Variants in CDH13 observed in about 807,000 individuals in gnomAD.
CDH13 encodes the protein cadherin-13.
CDH13 carries 24 observed loss-of-function variants against 63.8 expected under a neutral mutation model. The ratio of observed to expected loss-of-function variants is 0.38; its 90% CI spans 0.27 to 0.53. CDH13 has a LOEUF of 0.53. Among genes scored for constraint, CDH13 ranks in the 20% least tolerant of loss-of-function variants. CDH13 has a pLI of 0.85. For synonymous variants in CDH13, 503 were observed against 355.3 expected (o/e 1.42, Z -4.67); for missense variants, 1,049 against 903.1 (o/e 1.16, Z -2.07).
chr16:83,048,373 A>C (rs1397882979), intron 3 of CDH13, among the ~76,000 whole-genome samples: 2 of 152,216 alleles, frequency 1.3e-5, no homozygotes, highest in African/African-American at 2.4e-5. Context: ...TGGGGGTGAT[A>C]CGAAAATGAC....
At chr16:83,658,525 C>G (rs1913105654) in intron 8 of CDH13, among the ~76,000 whole-genome samples, 1 of 146,684 alleles carries the variant, frequency 6.8e-6, no homozygotes, top group Admixed American at 6.8e-5. Flanking sequence ...ACCACCAGGT[C>G]CCGTATCCTC....
chr16:83,327,467 AG>A, intron 5 of CDH13, among the ~76,000 whole-genome samples: 2 of 152,348 alleles, frequency 1.3e-5, no homozygotes, highest in East Asian at 3.9e-4. Context: ...ATAAACTCAA[AG>A]CCCTTAGCTA....
Position 83,799,299 on chromosome 16 carries a change from C to CAAAAA in CDH13, c.*4286_*4290dup, listed in dbSNP as rs11349889. The CAAAAA allele has an allele frequency of 5.4e-5, 6 of 110,182 alleles. No individual in the cohort carries two copies. The highest frequency in any genetic ancestry group is 1.1e-4 in the Admixed American group (1 of 9,496). The allele number at this position is 110,182 out of a possible 1,614,324, so 6.8% of individuals were successfully genotyped here. ...CCTGGGCAACAGAGCAAGACTCCGT[C>CAAAAA]AAAAAAAAAAAAAAAAAAAAAGAAA... On this transcript the variant is annotated 3_prime_UTR_variant, in exon 14 of 14. Coordinates refer to ENST00000567109, the MANE Select transcript of CDH13 (RefSeq NM_001257.5).
intron 2 of CDH13, among the ~76,000 whole-genome samples, chr16:82,947,076 CCCTT>C (rs1904814610): frequency 6.6e-6 from 1 of 150,862 alleles, no homozygotes. Context: ...AAGGCTATCT[CCCTT>C]CCTTATTCCT....
intron 6 of CDH13, among the ~76,000 whole-genome samples, chr16:83,394,175 G>T (rs1018592715): frequency 3.3e-5 from 5 of 151,614 alleles, no homozygotes; most frequent in African/African-American, 1.2e-4. Context: ...GAAATAATCT[G>T]TACATGAAAC....
At chr16:83,193,685 T>G (rs28754700) in intron 4 of CDH13, among the ~76,000 whole-genome samples, 28,485 of 152,154 alleles carry the variant, frequency 0.19, 2,962 homozygotes, top group African/African-American at 0.27. Flanking sequence ...CATCTGCTCT[T>G]CTAACTTAAA....
chr16:83,502,477 C>G (rs2074304579), intron 7 of CDH13, among the ~76,000 whole-genome samples: 1 of 152,190 alleles, frequency 6.6e-6, no homozygotes, highest in Non-Finnish European at 1.5e-5. Flanking sequence ...CCACTTTGGA[C>G]TCCTGTCCTG....
At position 83,741,255 on chromosome 16, in the gene CDH13, A is replaced by G. The variant is rs1912030782; in HGVS notation, c.1539-6853A>G. Among the ~76,000 whole-genome samples the G allele has an allele frequency of 2.0e-5, 3 of 151,998 alleles. No homozygotes were observed. The South Asian group carries it at 6.2e-4, about 32-fold the overall frequency. On this transcript the variant is annotated intron_variant, in intron 10 of 13. Coordinates refer to ENST00000567109, the MANE Select transcript of CDH13 (RefSeq NM_001257.5). Reference sequence around the variant, plus strand: ...AGATAGTGTATTTCCTTCAATTGGGAGTTCTGTCTCTTTCTGGTTCTGCTT... The same window carrying G: ...AGATAGTGTATTTCCTTCAATTGGGGGTTCTGTCTCTTTCTGGTTCTGCTT...
At chr16:83,015,724 A>ATATATAG (rs1555562946) in intron 2 of CDH13, among the ~76,000 whole-genome samples, 5 of 49,096 alleles carry the variant, frequency 1.0e-4, no homozygotes, top group Non-Finnish European at 1.4e-4. Flanking sequence ...TATATATATA[A>ATATATAG]AGAAAAAGCA....
intron 8 of CDH13, among the ~76,000 whole-genome samples, chr16:83,645,548 A>G (rs889215147): frequency 2.3e-5 from 3 of 132,970 alleles, no homozygotes; most frequent in Admixed American, 7.5e-5. Flanking sequence ...CCCCCCCCCA[A>G]TCTAAAATAA....
At chr16:83,555,322 C>A (rs1423254791) in intron 7 of CDH13, among the ~76,000 whole-genome samples, 2 of 152,304 alleles carry the variant, frequency 1.3e-5, no homozygotes, top group East Asian at 3.9e-4. Context: ...TTGAAAACAC[C>A]TGGAAGATTT....
At chr16:83,141,421 A>T (rs1413833972) in intron 4 of CDH13, among the ~76,000 whole-genome samples, 1 of 152,136 alleles carries the variant, frequency 6.6e-6, no homozygotes, top group Non-Finnish European at 1.5e-5. Flanking sequence ...CACAATCTCT[A>T]TAGGATCATT....
chr16:82,782,707 A>T (rs1435168617), intron 1 of CDH13, among the ~76,000 whole-genome samples: 4 of 152,206 alleles, frequency 2.6e-5, no homozygotes, highest in Non-Finnish European at 5.9e-5. Flanking sequence ...CAAAAACAAA[A>T]TGCCAAGAAC....
At chr16:83,570,640 C>A (rs76210703) in intron 7 of CDH13, among the ~76,000 whole-genome samples, 9 of 150,162 alleles carry the variant, frequency 6.0e-5, no homozygotes, top group African/African-American at 2.0e-4. Flanking sequence ...AAAGTCCATC[C>A]TAGTATTCCC....
At chr16:83,711,292 A>C (rs1313832866) in intron 10 of CDH13, among the ~76,000 whole-genome samples, 2 of 152,206 alleles carry the variant, frequency 1.3e-5, no homozygotes, top group Admixed American at 6.5e-5. Context: ...TGCTCATTGC[A>C]TTCTGTGAGC....
intron 6 of CDH13, among the ~76,000 whole-genome samples, chr16:83,396,159 G>A (rs765306305): frequency 1.9e-4 from 29 of 152,116 alleles, no homozygotes; most frequent in Admixed American, 9.2e-4. Context: ...ATTCCGTGGT[G>A]TATACATACC....
intron 3 of CDH13, among the ~76,000 whole-genome samples, chr16:83,110,968 A>G (rs1295184721): frequency 2.1e-5 from 3 of 146,086 alleles, no homozygotes; most frequent in Admixed American, 7.2e-5. Flanking sequence ...TTGGCTGGAT[A>G]AATTAATCCC....
intron 7 of CDH13, among the ~76,000 whole-genome samples, chr16:83,538,927 C>G (rs1046186127): frequency 6.6e-6 from 1 of 152,124 alleles, no homozygotes; most frequent in Non-Finnish European, 1.5e-5. Context: ...TCATGCCAAT[C>G]TACATTTCAA....
At chr16:83,619,052 C>G (rs566172453) in intron 8 of CDH13, among the ~76,000 whole-genome samples, 2 of 152,348 alleles carry the variant, frequency 1.3e-5, no homozygotes, top group East Asian at 3.9e-4. Flanking sequence ...GAAGCGTCAC[C>G]TTCAGCCTGC....
Sources: allele counts gnomAD v4.1 joint callset (sites outside exome capture counted in the v4.1 genomes callset), GRCh38; gene constraint gnomAD v4.1.1; transcripts MANE v1.5; gene names NCBI Gene and HGNC (gene_info 2026-07-23, HGNC 2026-07-21).